Variants in ADD2 observed in about 807,000 individuals in gnomAD.
ADD2 encodes adducin 2.
A neutral mutation model predicts 83.0 loss-of-function variants in ADD2; 23 were observed. The observed-to-expected ratio is 0.28, with a 90% CI of 0.20 to 0.39. The LOEUF (loss-of-function observed/expected upper bound fraction) is 0.39. Among genes scored for constraint, ADD2 ranks in the 10% least tolerant of loss-of-function variants. The probability of loss-of-function intolerance (pLI) is 1.00; values close to 1 mark genes in which losing one functional copy is unlikely to be tolerated. For synonymous variants in ADD2, 375 were observed against 375.4 expected (o/e 1.00, Z 0.01); for missense variants, 758 against 944.9 (o/e 0.80, Z 2.59).
rs79509697 is a variant in ADD2, at chr2:70,668,237, C to T, written c.1871-4502G>A. On this transcript the variant is annotated intron_variant, in intron 15 of 15. Coordinates refer to ENST00000264436, the MANE Select transcript of ADD2 (RefSeq NM_001617.4). ...GTCTCCTCTTATCTCTCTATATATCCCCTTGGTTCTGTTTCTCTGGAGAAC... is the reference window on the plus strand; with the variant it reads ...GTCTCCTCTTATCTCTCTATATATCTCCTTGGTTCTGTTTCTCTGGAGAAC... 8.2e-3 allele frequency among the ~76,000 whole-genome samples: 1,250 copies of T among 152,186 alleles called. 9 individuals are homozygous for T. Among genetic ancestry groups the T allele is most frequent in the African/African-American group, 0.029 (1,197 of 41,512 alleles).
Position 70,690,873 on chromosome 2 carries a change from C to T in ADD2, c.762G>A (p.Gly254=). The T allele has an allele frequency of 6.2e-7, 1 of 1,614,128 alleles. No homozygotes were observed. Among genetic ancestry groups the T allele is most frequent in the South Asian group, 1.1e-5 (1 of 91,066 alleles). Residue 254 remains glycine, a synonymous_variant, in exon 8 of 16, where the codon GGG becomes GGA. Transcript: ENST00000264436. ...CATTGAAGTCATAATAGGCCATGTC[C>T]CCCACCAGCAGGGCATTGTGGGAGA... is the stretch of plus-strand genomic sequence containing the variant. ...LPVSHNALLV[G]DMAYYDFNGE... is the part of the protein sequence containing the mutation.
intron 15 of ADD2, among the ~76,000 whole-genome samples, chr2:70,668,068 A>G (rs1669727366): frequency 6.6e-6 from 1 of 152,096 alleles, no homozygotes; most frequent in Admixed American, 6.6e-5. Flanking sequence ...CGCGACACCC[A>G]TCTTCTCCTG....
At chr2:70,750,539 C>G (rs1209725767) in intron 1 of ADD2, among the ~76,000 whole-genome samples, 1 of 152,150 alleles carries the variant, frequency 6.6e-6, no homozygotes, top group African/African-American at 2.4e-5. Context: ...AGAGGAAAGA[C>G]CATGTGATGA....
intron 1 of ADD2, among the ~76,000 whole-genome samples, chr2:70,753,568 CAG>C (rs1674621337): frequency 6.6e-6 from 1 of 151,630 alleles, no homozygotes; most frequent in Admixed American, 6.6e-5. Context: ...CAACCCAGAG[CAG>C]CATGTCAGGG....
At chr2:70,748,230 C>T (rs1553382374) in intron 1 of ADD2, among the ~76,000 whole-genome samples, 1 of 151,624 alleles carries the variant, frequency 6.6e-6, no homozygotes, top group Non-Finnish European at 1.5e-5. Context: ...GGGTCCTGCC[C>T]TCCTCCTCAC....
At position 70,704,422 on chromosome 2, in the gene ADD2, T is replaced by C; in HGVS notation, c.221A>G (p.Gln74Arg). 1 of 1,614,212 alleles carries C rather than the reference T, an allele frequency of 6.2e-7. No homozygotes were observed. Among genetic ancestry groups the C allele is most frequent in the Non-Finnish European group, 8.5e-7 (1 of 1,180,028 alleles). The change falls in exon 4 of 16, where the codon CAG becomes CGG. Residue 74 changes from glutamine (Q) to arginine (R), a missense_variant. Gln to Arg is a conservative substitution (Grantham distance 43). Coordinates refer to ENST00000264436, the MANE Select transcript of ADD2 (RefSeq NM_001617.4). ...GGAGGAGTTGTTCCCCTTCTTCATC[T>C]GCTCCTGGATGAGGCCTTCCAGCTC... ...REELEGLIQE[Q>R]MKKGNNSSNI...
intron 4 of ADD2, among the ~76,000 whole-genome samples, chr2:70,702,996 C>T (rs897931723): frequency 8.6e-5 from 13 of 152,034 alleles, no homozygotes; most frequent in East Asian, 3.9e-4. Context: ...GCATGTGGTG[C>T]GTGCCCGTGG....
At chr2:70,701,258 T>C (rs1671567257) in intron 4 of ADD2, among the ~76,000 whole-genome samples, 1 of 151,984 alleles carries the variant, frequency 6.6e-6, no homozygotes, top group African/African-American at 2.4e-5. Flanking sequence ...TACTCAGAAA[T>C]CTGTTACTAA....
rs192799025 is a variant in ADD2 at position 70,725,954 on chromosome 2, A to G, written c.-153-12770T>C. Among the ~76,000 whole-genome samples the G allele has an allele frequency of 9.4e-3, 1,433 of 152,170 alleles. 7 individuals carry two copies. Among genetic ancestry groups the G allele is most frequent in the Non-Finnish European group, 0.015 (1,032 of 68,002 alleles). On this transcript the variant is annotated intron_variant, in intron 1 of 15. Transcript: ENST00000264436. ...TAAGAATGTATTGTCTTGGGAGGCC[A>G]AGGCGGGCGGATCACGAGGTCAGGA...
chr2:70,737,149 T>C (rs1490096723), intron 1 of ADD2, among the ~76,000 whole-genome samples: 3 of 152,146 alleles, frequency 2.0e-5, no homozygotes, highest in Non-Finnish European at 4.4e-5. Context: ...AGTTCAACCA[T>C]TGCGGAAGAC....
chr2:70,697,882 G>C (rs1387268365), intron 4 of ADD2, among the ~76,000 whole-genome samples: 1 of 152,236 alleles, frequency 6.6e-6, no homozygotes, highest in Non-Finnish European at 1.5e-5. Flanking sequence ...ACGCACACAA[G>C]GGCCTTGCCA....
intron 1 of ADD2, among the ~76,000 whole-genome samples, chr2:70,737,685 T>C (rs952138626): frequency 1.3e-5 from 2 of 152,102 alleles, no homozygotes; most frequent in Non-Finnish European, 2.9e-5. Flanking sequence ...GTAACAAACC[T>C]GCACATTGTG....
intron 1 of ADD2, among the ~76,000 whole-genome samples, chr2:70,751,591 T>C (rs1674508579): frequency 6.6e-6 from 1 of 152,228 alleles, no homozygotes; most frequent in Admixed American, 6.5e-5. Flanking sequence ...TTACAAAAGA[T>C]GTCTTTACTT....
chr2:70,660,524 A>T lies in ADD2; in HGVS notation c.*2901T>A, dbSNP rs544702914. ...ATTTTCCTAAAATGCAATTCTGATC[A>T]TGACTCTATCCTGATTTAAAGGCTC... On this transcript the variant is annotated 3_prime_UTR_variant, in exon 16 of 16. Coordinates refer to ENST00000264436, the MANE Select transcript of ADD2 (RefSeq NM_001617.4). 1 of 152,560 alleles carries T rather than the reference A, an allele frequency of 6.6e-6. No homozygotes were observed. Among genetic ancestry groups the T allele is most frequent in the South Asian group, 2.1e-4 (1 of 4,824 alleles). 9.5% of individuals were successfully genotyped at this position (152,560 alleles called of 1,614,324 possible).
chr2:70,668,128 T>A (rs1553366473), intron 15 of ADD2, among the ~76,000 whole-genome samples: 1 of 152,198 alleles, frequency 6.6e-6, no homozygotes, highest in African/African-American at 2.4e-5. Context: ...CAGACTGAGT[T>A]ACACCAGTGG....
In ADD2 at chr2:70,677,743, A is replaced by T; in HGVS notation, c.1503+15T>A. 6.2e-7 allele frequency: 1 copy of T among 1,613,402 alleles called. No homozygotes were observed. Among genetic ancestry groups the T allele is most frequent in the African/African-American group, 1.3e-5 (1 of 75,028 alleles). ...TGTGGGAGAAGAAAGAGTGGGATAA[A>T]CAGACCCCACTTACCTTGTTCCTCA... On this transcript the variant is annotated intron_variant, in intron 12 of 15. Coordinates refer to ENST00000264436, the MANE Select transcript of ADD2 (RefSeq NM_001617.4).
At chr2:70,732,966 T>C (rs1455325268) in intron 1 of ADD2, among the ~76,000 whole-genome samples, 3 of 152,154 alleles carry the variant, frequency 2.0e-5, no homozygotes, top group Non-Finnish European at 4.4e-5. Flanking sequence ...TGTTCATACA[T>C]CTGTCTGATC....
intron 15 of ADD2, among the ~76,000 whole-genome samples, chr2:70,667,571 G>C (rs1214366855): frequency 6.6e-6 from 1 of 152,176 alleles, no homozygotes; most frequent in Non-Finnish European, 1.5e-5. Flanking sequence ...TGCCCAGATA[G>C]TTGATAAAAC....
At chr2:70,755,107 G>A (rs931472572) in intron 1 of ADD2, among the ~76,000 whole-genome samples, 4 of 151,996 alleles carry the variant, frequency 2.6e-5, no homozygotes, top group Admixed American at 1.3e-4. Context: ...TCTGTGGACT[G>A]GACTCACTTC....
Sources: gnomAD v4.1 joint callset for allele counts (sites outside exome capture counted in the v4.1 genomes callset) on GRCh38, gnomAD v4.1.1 for gene constraint, MANE v1.5 for transcripts, NCBI Gene and HGNC (gene_info 2026-07-23, HGNC 2026-07-21) for gene names.